The following PGM5 variants were observed in gnomAD, a reference collection of about 807,000 sequenced individuals.
PGM5 encodes phosphoglucomutase-like protein 5.
A neutral mutation model predicts 59.2 loss-of-function variants in PGM5; 23 were observed. The observed-to-expected ratio is 0.39, with a 90% CI of 0.28 to 0.55. The LOEUF (loss-of-function observed/expected upper bound fraction) is 0.55, where lower values mean the gene tolerates loss of function less well. Ranked by LOEUF, PGM5 falls within the 20% of genes least tolerant of loss-of-function variation. The pLI, the probability that PGM5 is intolerant of heterozygous loss-of-function variation, is 0.66. For missense variants in PGM5, 574 were observed against 748.3 expected, an observed-to-expected ratio of 0.77 and a Z score of 2.72; for synonymous variants, 214 against 286.0, an observed-to-expected ratio of 0.75 and a Z score of 2.54.
chr9:68,468,806 A>G (rs1554686052), intron 7 of PGM5, among the ~76,000 whole-genome samples: 1 of 152,218 alleles, frequency 6.6e-6, no homozygotes, highest in African/African-American at 2.4e-5. Context: ...AAACTGGGTC[A>G]TATTTCCTAT....
intron 6 of PGM5, among the ~76,000 whole-genome samples, chr9:68,439,692 C>CAT (rs369854214): frequency 0.032 from 4,645 of 146,218 alleles, 78 homozygotes; most frequent in African/African-American, 0.058. Context: ...CACATGCACA[C>CAT]ATATATATAT....
intron 1 of PGM5, among the ~76,000 whole-genome samples, chr9:68,372,417 G>C (rs532636216): frequency 6.6e-6 from 1 of 151,940 alleles, no homozygotes; most frequent in Admixed American, 6.6e-5. Context: ...TGCATCTTCC[G>C]TGATGGAAGT....
chr9:68,429,819 T>G (rs1823311873), intron 6 of PGM5, among the ~76,000 whole-genome samples: 1 of 152,204 alleles, frequency 6.6e-6, no homozygotes, highest in African/African-American at 2.4e-5. Context: ...TAATCTCCAC[T>G]GATGCGATTT....
At chr9:68,402,806 A>C (rs1435695961) in intron 6 of PGM5, among the ~76,000 whole-genome samples, 1 of 152,204 alleles carries the variant, frequency 6.6e-6, no homozygotes, top group Non-Finnish European at 1.5e-5. Flanking sequence ...AGAGCATTGC[A>C]GTTCTTGTGT....
intron 3 of PGM5, among the ~76,000 whole-genome samples, chr9:68,386,163 C>T (rs1348618494): frequency 1.1e-4 from 16 of 151,924 alleles, no homozygotes; most frequent in African/African-American, 3.9e-4. Flanking sequence ...TTGTCAAAAA[C>T]ATTATCCTAT....
At chr9:68,469,759 G>A (rs1374192012) in intron 7 of PGM5, among the ~76,000 whole-genome samples, 1 of 152,194 alleles carries the variant, frequency 6.6e-6, no homozygotes, top group African/African-American at 2.4e-5. Context: ...TTGTAGGATG[G>A]GTGGAAAGAT....
rs1212111480 is a variant in PGM5 at position 68,396,783 on chromosome 9, A to G, written c.1043+4310A>G. The G allele has an allele frequency of 2.6e-5, 4 of 152,156 alleles. No individual in the cohort carries two copies. In the South Asian group the frequency reaches 8.3e-4, roughly 31 times the overall value. 9.4% of individuals were successfully genotyped at this position (152,156 alleles called of 1,614,324 possible). On this transcript the variant is annotated intron_variant, in intron 6 of 10. Transcript: ENST00000396396. The stretch of plus-strand genomic sequence containing the variant: ...GCAGCTTCAAAATTTCGACCTTGAC[A>G]GTGGTTTCCCATATAGCTTATTTTT...
intron 6 of PGM5, among the ~76,000 whole-genome samples, chr9:68,441,091 T>C (rs1283914528): frequency 1.3e-5 from 2 of 152,040 alleles, no homozygotes; most frequent in South Asian, 4.1e-4. Flanking sequence ...ATACAAATTA[T>C]CAACACTCAC....
rs797031516 is a variant in PGM5 at position 68,501,878 on chromosome 9, A to C, written c.1614+2517A>C. Among the ~76,000 whole-genome samples the C allele has an allele frequency of 5.3e-5, 8 of 152,364 alleles. 1 individual carries two copies. The highest frequency in any genetic ancestry group is 1.9e-4 in the African/African-American group (8 of 41,574). ...ACACATGTGAACAGAGCATGTTTTA[A>C]GCATTTACACTGATTGCCTTGCAGA... is the stretch of plus-strand genomic sequence containing the variant. On this transcript the variant is annotated intron_variant, in intron 10 of 10. Coordinates refer to ENST00000396396, the MANE Select transcript of PGM5 (RefSeq NM_021965.4).
intron 6 of PGM5, among the ~76,000 whole-genome samples, chr9:68,425,418 A>T (rs1823218393): frequency 6.6e-6 from 1 of 152,204 alleles, no homozygotes; most frequent in African/African-American, 2.4e-5. Flanking sequence ...ATTGCTGGTG[A>T]TGGAGGGATG....
At chr9:68,470,190 T>G (rs1823998234) in intron 7 of PGM5, among the ~76,000 whole-genome samples, 1 of 152,228 alleles carries the variant, frequency 6.6e-6, no homozygotes, top group African/African-American at 2.4e-5. Flanking sequence ...TGTTAACTTG[T>G]TTATTTCTTA....
At chr9:68,453,846 G>T (rs1414720106) in intron 6 of PGM5, among the ~76,000 whole-genome samples, 1 of 152,160 alleles carries the variant, frequency 6.6e-6, no homozygotes, top group Non-Finnish European at 1.5e-5. Flanking sequence ...AGCATCTAAG[G>T]CAATATCCTG....
At chr9:68,524,127 GGA>G (rs1376771216) in intron 10 of PGM5, among the ~76,000 whole-genome samples, 1 of 152,062 alleles carries the variant, frequency 6.6e-6, no homozygotes, top group Non-Finnish European at 1.5e-5. Context: ...ACCTAATCTA[GGA>G]TTTATGTGGG....
chr9:68,454,570 G>A (rs868956991), intron 6 of PGM5, among the ~76,000 whole-genome samples: 38 of 152,300 alleles, frequency 2.5e-4, no homozygotes, highest in East Asian at 1.2e-3. Context: ...AGTGCTCTGG[G>A]GATCCAGGGC....
intron 10 of PGM5, among the ~76,000 whole-genome samples, chr9:68,528,921 T>A (rs1457649399): frequency 5.9e-5 from 9 of 152,122 alleles, no homozygotes; most frequent in African/African-American, 2.2e-4. Flanking sequence ...AAGAAAGAAA[T>A]GAGTCTTCCT....
chr9:68,483,769 TC>T, intron 8 of PGM5, 95 bp from the exon 9 acceptor site: 1 of 1,122,472 alleles, frequency 8.9e-7, no homozygotes, highest in Non-Finnish European at 1.3e-6. Flanking sequence ...GTGCTGTCCT[TC>T]CCTGGAAACA....
At chr9:68,506,583 C>T (rs1225335168) in intron 10 of PGM5, among the ~76,000 whole-genome samples, 1 of 152,130 alleles carries the variant, frequency 6.6e-6, no homozygotes, top group Non-Finnish European at 1.5e-5. Flanking sequence ...GAATAGGATT[C>T]AGAAACATTA....
At chr9:68,483,429 C>A (rs1479674919) in intron 8 of PGM5, among the ~76,000 whole-genome samples, 1 of 152,246 alleles carries the variant, frequency 6.6e-6, no homozygotes, top group East Asian at 1.9e-4. Flanking sequence ...GTAGAGGGAA[C>A]ACACAGCTAG....
chr9:68,385,494 T>C (rs1822194923), intron 3 of PGM5, among the ~76,000 whole-genome samples: 1 of 152,096 alleles, frequency 6.6e-6, no homozygotes, highest in South Asian at 2.1e-4. Flanking sequence ...ACCAAATCTT[T>C]CTTGAGAAGT....
Sources: allele counts gnomAD v4.1 joint callset (sites outside exome capture counted in the v4.1 genomes callset), GRCh38; gene constraint gnomAD v4.1.1; transcripts MANE v1.5; gene names NCBI Gene and HGNC (gene_info 2026-07-23, HGNC 2026-07-21).